Variants in STX8 observed in about 807,000 individuals in gnomAD.
STX8 encodes the protein syntaxin 8.
STX8 carries 23 observed loss-of-function variants against 37.5 expected under a neutral mutation model. The observed-to-expected ratio is 0.61, with a 90% confidence interval of 0.44 to 0.87. STX8 has a LOEUF of 0.87. STX8 is among the 40% of genes least tolerant of loss of function. The probability of loss-of-function intolerance (pLI) is 0.00; values close to 1 mark genes in which losing one functional copy is unlikely to be tolerated. For missense variants in STX8, 313 were observed against 284.7 expected (o/e 1.10, Z -0.71); for synonymous variants, 115 against 99.1 (o/e 1.16, Z -0.95).
intron 7 of STX8, among the ~76,000 whole-genome samples, chr17:9,288,699 TAAATA>T (rs997173954): frequency 1.3e-5 from 2 of 150,704 alleles, no homozygotes; most frequent in African/African-American, 4.9e-5. Context: ...AATAAATAAA[TAAATA>T]AAAGAATTTC....
At chr17:9,349,034 C>T (rs140693244) in intron 7 of STX8, among the ~76,000 whole-genome samples, 3 of 152,244 alleles carry the variant, frequency 2.0e-5, no homozygotes, top group Non-Finnish European at 4.4e-5. Flanking sequence ...TCTTGTTGCC[C>T]AGGCTGGAGT....
chr17:9,564,790 T>A (rs1049897703), intron 2 of STX8, among the ~76,000 whole-genome samples: 84 of 152,246 alleles, frequency 5.5e-4, no homozygotes, highest in African/African-American at 2.0e-3. Context: ...CAAAGCAATT[T>A]ATAGATTCAA....
intron 1 of STX8, among the ~76,000 whole-genome samples, chr17:9,568,714 A>G (rs1006146166): frequency 4.6e-5 from 7 of 152,102 alleles, no homozygotes; most frequent in African/African-American, 1.7e-4. Context: ...GTTAGCCAAG[A>G]TGGTCTCGAT....
intron 1 of STX8, among the ~76,000 whole-genome samples, 174 bp downstream of exon 1, chr17:9,575,618 A>T (rs1907877902): frequency 6.6e-6 from 1 of 152,156 alleles, no homozygotes; most frequent in Non-Finnish European, 1.5e-5. Context: ...CCACCCTTGC[A>T]AGGACCAAGT....
Position 9,315,293 on chromosome 17 carries a change from C to CAA in STX8, c.643+63257_643+63258dup, listed in dbSNP as rs60423823. 6.2e-5 allele frequency among the ~76,000 whole-genome samples: 8 copies of CAA among 128,800 alleles called. 1 individual carries two copies. Among genetic ancestry groups the CAA allele is most frequent in the African/African-American group, 2.7e-4 (7 of 25,990 alleles). 84.5% of individuals were successfully genotyped at this position (128,800 alleles called of 152,430 possible). A position where few individuals can be genotyped will look rare whatever the true frequency, so the allele number is the denominator to read the frequency against. On this transcript the variant is annotated intron_variant, in intron 7 of 7. Coordinates refer to ENST00000306357, the MANE Select transcript of STX8 (RefSeq NM_004853.3). ...CTAAGAGTTAAAAAAACAAAAACAA[C>CAA]AAAAAAAAAAAACAAGCAGCCCTTT...
chr17:9,284,389 A>T (rs1908001263), intron 7 of STX8, among the ~76,000 whole-genome samples: 1 of 152,240 alleles, frequency 6.6e-6, no homozygotes, highest in South Asian at 2.1e-4. Context: ...TTTAACTCTG[A>T]TCGTCTTAGC....
intron 7 of STX8, among the ~76,000 whole-genome samples, chr17:9,312,324 C>G (rs1400104521): frequency 1.3e-5 from 2 of 152,024 alleles, no homozygotes; most frequent in African/African-American, 4.8e-5. Context: ...GCCTTGGCCT[C>G]CTGAGTAGCT....
intron 6 of STX8, among the ~76,000 whole-genome samples, chr17:9,415,023 TCA>T (rs1463008173): frequency 2.0e-5 from 3 of 151,998 alleles, no homozygotes; most frequent in Non-Finnish European, 2.9e-5. Context: ...ACTCCTGACC[TCA>T]GGTGGCCCAC....
chr17:9,319,240 A>C (rs1909486054), intron 7 of STX8, among the ~76,000 whole-genome samples: 1 of 152,108 alleles, frequency 6.6e-6, no homozygotes, highest in South Asian at 2.1e-4. Flanking sequence ...TAACACAGTG[A>C]AACCCTGTCT....
At chr17:9,264,950 CA>C (rs1006682174) in intron 7 of STX8, among the ~76,000 whole-genome samples, 1 of 150,480 alleles carries the variant, frequency 6.6e-6, no homozygotes, top group Admixed American at 6.6e-5. Flanking sequence ...CTCATCTCTA[CA>C]AAAAAAATAA....
At chr17:9,470,893 A>AT (rs1359397550) in intron 6 of STX8, among the ~76,000 whole-genome samples, 1 of 40,148 alleles carries the variant, frequency 2.5e-5, no homozygotes, top group Non-Finnish European at 4.9e-5. Flanking sequence ...TGCCTGGCTA[A>AT]TTTTTTGTAT....
At chr17:9,282,121 C>T (rs974246996) in intron 7 of STX8, among the ~76,000 whole-genome samples, 2 of 151,740 alleles carry the variant, frequency 1.3e-5, no homozygotes, top group Non-Finnish European at 2.9e-5. Context: ...TTGTTTGGTA[C>T]TGATGACATG....
intron 6 of STX8, among the ~76,000 whole-genome samples, chr17:9,483,640 A>T (rs1324573988): frequency 6.6e-6 from 1 of 152,084 alleles, no homozygotes; most frequent in East Asian, 1.9e-4. Context: ...TCTTTATCTG[A>T]TCCTTTTTTG....
chr17:9,263,487 A>T (rs1389923920), intron 7 of STX8, among the ~76,000 whole-genome samples: 16 of 152,202 alleles, frequency 1.1e-4, no homozygotes, highest in Non-Finnish European at 1.5e-5. Context: ...CTCATATGGA[A>T]TTCTAATATA....
At chr17:9,390,628 C>A (rs1214466696) in intron 6 of STX8, among the ~76,000 whole-genome samples, 2 of 150,650 alleles carry the variant, frequency 1.3e-5, no homozygotes, top group Admixed American at 6.6e-5. Flanking sequence ...GAGTTTGAGA[C>A]CAGCCTGGCC....
At chr17:9,321,809 T>C (rs569730172) in intron 7 of STX8, among the ~76,000 whole-genome samples, 1 of 152,254 alleles carries the variant, frequency 6.6e-6, no homozygotes, top group African/African-American at 2.4e-5. Context: ...TGAGCCGCCA[T>C]GCCCAGCATA....
chr17:9,574,657 C>T (rs951919275), intron 1 of STX8, among the ~76,000 whole-genome samples: 1 of 152,026 alleles, frequency 6.6e-6, no homozygotes, highest in Non-Finnish European at 1.5e-5. Flanking sequence ...GCCTCAGTCT[C>T]CCGAGTAGCT....
At chr17:9,483,623 T>C (rs993454413) in intron 6 of STX8, among the ~76,000 whole-genome samples, 8 of 152,218 alleles carry the variant, frequency 5.3e-5, no homozygotes, top group African/African-American at 1.7e-4. Context: ...CTGATGTGTA[T>C]GTGAAATCTT....
chr17:9,569,628 G>A (rs2151919287), intron 1 of STX8: 1 of 152,284 alleles, frequency 6.6e-6, no homozygotes, highest in South Asian at 2.1e-4. Context: ...TTCTCTCAGA[G>A]CATTTTTACT....
Sources: allele counts gnomAD v4.1 joint callset (sites outside exome capture counted in the v4.1 genomes callset), GRCh38; gene constraint gnomAD v4.1.1; transcripts MANE v1.5; gene names NCBI Gene and HGNC (gene_info 2026-07-23, HGNC 2026-07-21).